CHMP3: variants seen among roughly 807,000 people sequenced by gnomAD.
The protein encoded by CHMP3 is charged multivesicular body protein 3.
In CHMP3, 8 loss-of-function variants were observed where a neutral mutation model predicts 27.4. The ratio of observed to expected loss-of-function variants is 0.29; its 90% CI spans 0.17 to 0.53. The LOEUF is 0.53. CHMP3 is among the 20% of genes least tolerant of loss of function. CHMP3 has a pLI of 0.96. For missense variants in CHMP3, 208 were observed against 271.5 expected (o/e 0.77, Z 1.64); for synonymous variants, 86 against 85.5 (o/e 1.01, Z -0.03).
chr2:86,512,533 C>T (rs1180261224), intron 3 of CHMP3: 2 of 152,008 alleles, frequency 1.3e-5, no homozygotes, highest in Non-Finnish European at 2.9e-5. Flanking sequence ...AAAGGTGTGG[C>T]AGGTAAAAAT....
chr2:86,510,532 G>A (rs1021329545), intron 3 of CHMP3, 53 bp from the exon 4 acceptor site: 24 of 1,587,574 alleles, frequency 1.5e-5, no homozygotes, highest in African/African-American at 1.3e-5. Flanking sequence ...AATAGAGAGA[G>A]ACAGCCAAAT....
intron 5 of CHMP3, 139 bp from the exon 6 acceptor site, chr2:86,506,088 C>T (rs1674876265): frequency 2.9e-6 from 3 of 1,039,224 alleles, no homozygotes; most frequent in South Asian, 3.9e-5. Flanking sequence ...GGGGGGTTTA[C>T]TCACTCTGGG....
In CHMP3 at chr2:86,531,415, C is replaced by T. The variant is rs575666671; in HGVS notation, c.107-2018G>A. Among the ~76,000 whole-genome samples, 14 of 152,216 alleles carry T rather than the reference C, an allele frequency of 9.2e-5. 1 individual carries two copies. In the South Asian group the frequency reaches 2.9e-3, roughly 32 times the overall value. On this transcript the variant is annotated intron_variant, in intron 2 of 5. Coordinates refer to ENST00000263856, the MANE Select transcript of CHMP3 (RefSeq NM_016079.4). Reference sequence around the variant, plus strand: ...GATCTATGTTGCTCAGGGTGTAGTGCAGTGGCTATTCACAGGCATGATTAT... The same window carrying T: ...GATCTATGTTGCTCAGGGTGTAGTGTAGTGGCTATTCACAGGCATGATTAT...
At chr2:86,507,684 G>T in intron 4 of CHMP3, 91 bp from the exon 5 acceptor site, 1 of 1,061,770 alleles carries the variant, frequency 9.4e-7, no homozygotes. Flanking sequence ...TCTAGCCTAA[G>T]TCCAGTCTAT....
chr2:86,554,523 G>A (rs2104038483), intron 1 of CHMP3, among the ~76,000 whole-genome samples: 1 of 152,178 alleles, frequency 6.6e-6, no homozygotes. Flanking sequence ...TCTAAGACTG[G>A]CAAAAGTCAA....
At chr2:86,530,266 T>C (rs1675867509) in intron 2 of CHMP3, among the ~76,000 whole-genome samples, 1 of 152,152 alleles carries the variant, frequency 6.6e-6, no homozygotes, top group Non-Finnish European at 1.5e-5. Flanking sequence ...GTGCTGAAAT[T>C]ACAGGCATGA....
In CHMP3 at chr2:86,563,315, G is replaced by C. The variant is rs770666607; in HGVS notation, c.34C>G (p.Pro12Ala). 12 of 1,614,096 alleles carry C rather than the reference G, an allele frequency of 7.4e-6. No individual in the cohort carries two copies. The highest frequency in any genetic ancestry group is 8.5e-6 in the Non-Finnish European group (10 of 1,179,970). ...GCCGTAGCCCTTACCAGTTCTTTGGGCGGCTTCTCCTGGGTCTTTCCAAAC... is the reference window on the plus strand; with the variant it reads ...GCCGTAGCCCTTACCAGTTCTTTGGCCGGCTTCTCCTGGGTCTTTCCAAAC... ...GLFGKTQEKPPKELVNEWSLK... is the reference protein window; with the variant it reads ...GLFGKTQEKPAKELVNEWSLK... The change falls in exon 1 of 6, where the codon CCC (proline) becomes GCC (alanine). Residue 12 changes from proline (P) to alanine (A), a missense_variant. This residue lies in a region of CHMP3 where 52 missense variants were observed against 43.5 expected (regional missense o/e 1.19). Coordinates refer to ENST00000263856, the MANE Select transcript of CHMP3 (RefSeq NM_016079.4).
At chr2:86,544,075 G>A (rs1676462753) in intron 1 of CHMP3, among the ~76,000 whole-genome samples, 1 of 152,168 alleles carries the variant, frequency 6.6e-6, no homozygotes, top group Non-Finnish European at 1.5e-5. Flanking sequence ...TTTCGTTTCT[G>A]GTTTATTTAA....
At chr2:86,541,304 C>G (rs1305333579) in intron 2 of CHMP3, 1 of 152,106 alleles carries the variant, frequency 6.6e-6, no homozygotes, top group Non-Finnish European at 1.5e-5. Context: ...TTTGCCCAGT[C>G]TCTTGAAATT....
intron 3 of CHMP3, among the ~76,000 whole-genome samples, chr2:86,516,394 C>T (rs539690021): frequency 1.2e-3 from 187 of 152,192 alleles, no homozygotes; most frequent in African/African-American, 4.1e-3. Flanking sequence ...AGAGGAGATA[C>T]GGATGGCAAA....
chr2:86,512,173 G>A (rs1299591095), intron 3 of CHMP3: 2 of 152,270 alleles, frequency 1.3e-5, no homozygotes, highest in African/African-American at 4.8e-5. Flanking sequence ...ACTGTGATAA[G>A]TATTAAGAGG....
intron 2 of CHMP3, chr2:86,541,358 A>G (rs923692189): frequency 1.3e-5 from 2 of 152,080 alleles, no homozygotes; most frequent in African/African-American, 2.4e-5. Context: ...AAAGACTCCA[A>G]TGGATCCTAT....
At chr2:86,510,712 A>G in intron 3 of CHMP3, 1 of 446,118 alleles carries the variant, frequency 2.2e-6, no homozygotes, top group Non-Finnish European at 3.8e-6. Context: ...CACATGACCA[A>G]TCTGGAGAGT....
chr2:86,562,911 G>C (rs532365299), intron 1 of CHMP3: 7 of 174,816 alleles, frequency 4.0e-5, no homozygotes, highest in East Asian at 3.1e-4. Context: ...AACGCTTCGG[G>C]CAGGAGAAGG....
chr2:86,563,217 G>A, intron 1 of CHMP3, 87 bp downstream of exon 1: 2 of 1,497,270 alleles, frequency 1.3e-6, no homozygotes, highest in Non-Finnish European at 1.8e-6. Context: ...CGGGCAGGCG[G>A]TGGGGAGAAG....
At chr2:86,527,405 G>A (rs1407335793) in intron 3 of CHMP3, among the ~76,000 whole-genome samples, 1 of 152,174 alleles carries the variant, frequency 6.6e-6, no homozygotes, top group Non-Finnish European at 1.5e-5. Flanking sequence ...AATAAGGAAA[G>A]AGTGAAAAAT....
At chr2:86,531,894 T>C (rs1472912190) in intron 2 of CHMP3, among the ~76,000 whole-genome samples, 1 of 152,230 alleles carries the variant, frequency 6.6e-6, no homozygotes, top group Non-Finnish European at 1.5e-5. Flanking sequence ...GGAAGTGAGT[T>C]GTTAAACTTT....
At chr2:86,559,417 A>G (rs540685459) in intron 1 of CHMP3, among the ~76,000 whole-genome samples, 1 of 152,216 alleles carries the variant, frequency 6.6e-6, no homozygotes, top group East Asian at 1.9e-4. Flanking sequence ...TCCCCAGTCA[A>G]TTTCCATATT....
intron 2 of CHMP3, chr2:86,541,456 T>G (rs1221877866): frequency 6.6e-6 from 1 of 152,102 alleles, no homozygotes; most frequent in Non-Finnish European, 1.5e-5. Flanking sequence ...AACCCTTATC[T>G]CTATTCTCAA....
Sources: allele counts gnomAD v4.1 joint callset (sites outside exome capture counted in the v4.1 genomes callset), GRCh38; gene constraint gnomAD v4.1.1; regional missense constraint gnomAD v4.1.1; transcripts MANE v1.5; gene names NCBI Gene and HGNC (gene_info 2026-07-23, HGNC 2026-07-21).